WRN: variants seen among roughly 807,000 people sequenced by gnomAD.
WRN encodes the protein WRN RecQ like helicase.
A neutral mutation model predicts 180.7 loss-of-function variants in WRN; 149 were observed. That is an observed-to-expected ratio of 0.82 (90% CI 0.72 to 0.94). WRN has a LOEUF of 0.94. WRN is among the 40% of genes least tolerant of loss of function. The probability of loss-of-function intolerance (pLI) is 0.00; values close to 1 mark genes in which losing one functional copy is unlikely to be tolerated. For missense variants in WRN, 1,661 were observed against 1,700.1 expected, an observed-to-expected ratio of 0.98 and a Z score of 0.40; for synonymous variants, 548 against 568.9, an observed-to-expected ratio of 0.96 and a Z score of 0.52.
intron 20 of WRN, among the ~76,000 whole-genome samples, chr8:31,119,455 C>T (rs1461369500): frequency 6.6e-6 from 1 of 151,894 alleles, no homozygotes; most frequent in Non-Finnish European, 1.5e-5. Flanking sequence ...CGACTCTTCT[C>T]TCTGAAAGAT....
chr8:31,122,981 AC>A (rs1367459054), intron 21 of WRN, among the ~76,000 whole-genome samples: 2 of 148,302 alleles, frequency 1.3e-5, no homozygotes, highest in African/African-American at 4.9e-5. Flanking sequence ...ATTACAGTGG[AC>A]CCCCTTGTCT....
At chr8:31,137,056 C>A (rs1454927399) in intron 24 of WRN, among the ~76,000 whole-genome samples, 1 of 121,654 alleles carries the variant, frequency 8.2e-6, no homozygotes, top group Non-Finnish European at 1.8e-5. Context: ...TGTTTTAATT[C>A]TGTTTTTTTT....
intron 13 of WRN, 67 bp downstream of exon 13, chr8:31,089,032 ATAACCTGTCTGCT>A (rs1257889228): frequency 7.1e-7 from 1 of 1,416,894 alleles, no homozygotes; most frequent in Non-Finnish European, 9.8e-7. Context: ...GAAAAGGCAA[ATAACCTGTCTGCT>A]TAACAGCAAC....
chr8:31,059,324 T>C, intron 3 of WRN, 59 bp downstream of exon 3: 1 of 1,385,306 alleles, frequency 7.2e-7, no homozygotes, highest in Non-Finnish European at 1.0e-6. Flanking sequence ...GGTACTATTA[T>C]GGTAATGTTT....
chr8:31,048,342 C>T (rs1294933318), intron 1 of WRN, among the ~76,000 whole-genome samples: 1 of 152,136 alleles, frequency 6.6e-6, no homozygotes, highest in African/African-American at 2.4e-5. Flanking sequence ...AGGGCTTTGG[C>T]ATGCATTCTT....
rs1354039514 is a variant in WRN at position 31,065,506 on chromosome 8, G to A, written c.504+443G>A. 3.3e-5 allele frequency among the ~76,000 whole-genome samples: 5 copies of A among 152,128 alleles called. No individual in the cohort carries two copies. In the East Asian group the frequency reaches 7.7e-4, roughly 24 times the overall value. ...ATGGTATTTGGTTTTCTGTTCCTGC[G>A]TTAGTTTGCTAAGGATAATGGCCTC... On this transcript the variant is annotated intron_variant, in intron 5 of 34. Transcript: ENST00000298139.
intron 31 of WRN, among the ~76,000 whole-genome samples, chr8:31,150,721 T>C (rs1008953682): frequency 6.6e-6 from 1 of 152,214 alleles, no homozygotes; most frequent in Non-Finnish European, 1.5e-5. Flanking sequence ...ATTGGAAACA[T>C]TATTTTAGGT....
intron 1 of WRN, among the ~76,000 whole-genome samples, chr8:31,048,381 T>C (rs1811949723): frequency 6.6e-6 from 1 of 152,184 alleles, no homozygotes; most frequent in African/African-American, 2.4e-5. Flanking sequence ...CTCTACCCCT[T>C]CTTATTCTTT....
chr8:31,037,479 G>A (rs1467518041), intron 1 of WRN, among the ~76,000 whole-genome samples: 1 of 152,198 alleles, frequency 6.6e-6, no homozygotes, highest in Non-Finnish European at 1.5e-5. Context: ...CAATGTTAGG[G>A]AGCTTTTTTC....
chr8:31,101,460 T>G (rs1479306795), intron 18 of WRN, among the ~76,000 whole-genome samples: 1 of 152,164 alleles, frequency 6.6e-6, no homozygotes, highest in African/African-American at 2.4e-5. Flanking sequence ...GCTTTTGGTA[T>G]TAGAATTTCC....
intron 19 of WRN, among the ~76,000 whole-genome samples, chr8:31,115,315 T>C (rs1435770175): frequency 6.6e-6 from 1 of 152,254 alleles, no homozygotes; most frequent in African/African-American, 2.4e-5. Context: ...TTTGAACAGA[T>C]TATTCAGTAT....
chr8:31,082,698 G>A (rs1813365974), intron 9 of WRN, among the ~76,000 whole-genome samples: 1 of 151,942 alleles, frequency 6.6e-6, no homozygotes, highest in African/African-American at 2.4e-5. Context: ...CCCGGTTCAA[G>A]TGATTCTCCT....
chr8:31,142,387 G>A (rs1460135047), intron 26 of WRN, among the ~76,000 whole-genome samples: 1 of 152,074 alleles, frequency 6.6e-6, no homozygotes, highest in Non-Finnish European at 1.5e-5. Flanking sequence ...AAGTGGAAAG[G>A]GAATACATTT....
At chr8:31,159,161 G>A (rs1803508105) in intron 33 of WRN, among the ~76,000 whole-genome samples, 1 of 151,962 alleles carries the variant, frequency 6.6e-6, no homozygotes, top group African/African-American at 2.4e-5. Flanking sequence ...TTAGCCAGAC[G>A]TGGTGGCATA....
At chr8:31,062,863 G>A (rs1812542906) in intron 3 of WRN, among the ~76,000 whole-genome samples, 1 of 151,864 alleles carries the variant, frequency 6.6e-6, no homozygotes, top group South Asian at 2.1e-4. Context: ...ACAGGGTCTT[G>A]CTCTGTTATC....
chr8:31,146,158 G>A (rs1045165631), intron 28 of WRN, among the ~76,000 whole-genome samples: 3 of 151,516 alleles, frequency 2.0e-5, no homozygotes, highest in Non-Finnish European at 1.5e-5. Context: ...TGAATGACAC[G>A]CTTAGAGTAC....
intron 18 of WRN, among the ~76,000 whole-genome samples, chr8:31,107,170 T>A (rs1801128560): frequency 6.6e-6 from 1 of 152,176 alleles, no homozygotes; most frequent in Non-Finnish European, 1.5e-5. Flanking sequence ...TATAAAAAGA[T>A]GAACAGTGTT....
rs377525430 is a variant in WRN, at chr8:31,043,152, G to T, written c.-77+9179G>T. On this transcript the variant is annotated intron_variant, in intron 1 of 34. Coordinates refer to ENST00000298139, the MANE Select transcript of WRN (RefSeq NM_000553.6). ...GGCCTTATTCTTGGCCCTCTTCTAT[G>T]AAAACACCTTCAGGGTGGTTTCTTG... is the stretch of plus-strand genomic sequence containing the variant. Among the ~76,000 whole-genome samples, 875 of 152,328 alleles carry T rather than the reference G, an allele frequency of 5.7e-3. 10 individuals carry two copies. Among genetic ancestry groups the T allele is most frequent in the African/African-American group, 0.02 (821 of 41,568 alleles).
intron 29 of WRN, 35 bp from the exon 30 acceptor site, chr8:31,147,329 C>T: frequency 6.3e-7 from 1 of 1,598,102 alleles, no homozygotes; most frequent in Non-Finnish European, 8.6e-7. Context: ...TTTAAGTACA[C>T]TTTAAAAAGT....
Sources: allele counts gnomAD v4.1 joint callset (sites outside exome capture counted in the v4.1 genomes callset), GRCh38; gene constraint gnomAD v4.1.1; transcripts MANE v1.5; gene names NCBI Gene and HGNC (gene_info 2026-07-23, HGNC 2026-07-21).